Variants in LHX6 observed in about 807,000 individuals in gnomAD.
The protein encoded by LHX6 is LIM homeobox 6.
LHX6 carries 15 observed loss-of-function variants against 47.1 expected under a neutral mutation model. The observed-to-expected ratio is 0.32, with a 90% CI of 0.21 to 0.49. LHX6 has a LOEUF of 0.49. LHX6 is among the 20% of genes least tolerant of loss of function. The probability of loss-of-function intolerance (pLI) is 0.99; values close to 1 mark genes in which losing one functional copy is unlikely to be tolerated. For synonymous variants in LHX6, 242 were observed against 233.5 expected (o/e 1.04, Z -0.33); for missense variants, 404 against 539.6 (o/e 0.75, Z 2.49).
chr9:122,213,889 T>C lies in LHX6; in HGVS notation c.879+85A>G. 6.6e-7 allele frequency: 1 copy of C among 1,515,502 alleles called. No individual in the cohort carries two copies. The highest frequency in any genetic ancestry group is 8.9e-7 in the Non-Finnish European group (1 of 1,118,780). The allele number at this position is 1,515,502 out of a possible 1,614,324, so 93.9% of individuals were successfully genotyped here. Reference sequence around the variant, plus strand: ...CGCCTCCTGGAGAAGGATGGCCACGTGCACGCACCACCCTCCGCGCCGAGC... The same window carrying C: ...CGCCTCCTGGAGAAGGATGGCCACGCGCACGCACCACCCTCCGCGCCGAGC... On this transcript the variant is annotated intron_variant, in intron 7 of 9. Transcript: ENST00000394319. This position sits in a 1 kb window ranked among gnomAD's most constrained non-coding sequence, Gnocchi z 5.5.
chr9:122,228,295 C>A, intron 1 of LHX6: 2 of 1,535,020 alleles, frequency 1.3e-6, no homozygotes, highest in Non-Finnish European at 1.7e-6. Flanking sequence ...AGCCCCTCGG[C>A]GCGCCGGGTA....
chr9:122,209,517 C>T (rs1382429331), intron 9 of LHX6, 97 bp downstream of exon 9: 36 of 1,559,870 alleles, frequency 2.3e-5, no homozygotes, highest in Admixed American at 3.7e-5. Context: ...TCTGCCACAG[C>T]GCAGCATGGT....
rs1213249325 is a variant in LHX6 at position 122,213,841 on chromosome 9, G to C, written c.880-61C>G. On this transcript the variant is annotated intron_variant, in intron 7 of 9. Coordinates refer to ENST00000394319, the MANE Select transcript of LHX6 (RefSeq NM_014368.5). The surrounding 1 kb of genome is among the most constrained non-coding windows in gnomAD (Gnocchi z 5.5). ...AAAAGAGTCGGACGCGCCGCCGGGAGACCCCAGGCGGGACTGCCTCGTCGC... is the reference window on the plus strand; with the variant it reads ...AAAAGAGTCGGACGCGCCGCCGGGACACCCCAGGCGGGACTGCCTCGTCGC... The C allele has an allele frequency of 4.5e-6, 7 of 1,539,646 alleles. No homozygotes were observed. In the Admixed American group the frequency reaches 1.2e-4, roughly 26 times the overall value.
chr9:122,227,050 G>C lies in LHX6; in HGVS notation c.157-20C>G, dbSNP rs770754498. 1.5e-5 allele frequency: 22 copies of C among 1,465,932 alleles called. No homozygotes were observed. The highest frequency in any genetic ancestry group is 1.9e-5 in the Non-Finnish European group (21 of 1,109,238). The allele number at this position is 1,465,932 out of a possible 1,614,324, so 90.8% of individuals were successfully genotyped here. A position where few individuals can be genotyped will look rare whatever the true frequency, so the allele number is the denominator to read the frequency against. On this transcript the variant is annotated intron_variant, in intron 2 of 9. Coordinates refer to ENST00000394319, the MANE Select transcript of LHX6 (RefSeq NM_014368.5). ...CTGAGCCTGCGGCGGGGGAGAGAAG[G>C]AGAGGAGCGCTGATCCGGGCACCCA...
intron 4 of LHX6, among the ~76,000 whole-genome samples, chr9:122,222,988 TCCCTGGG>T (rs1830935177): frequency 6.6e-6 from 1 of 152,102 alleles, no homozygotes; most frequent in Admixed American, 6.5e-5. Context: ...ATGTGACCCC[TCCCTGGG>T]CCCCAGCTCC....
chr9:122,207,362 G>A (rs890621242), intron 9 of LHX6, among the ~76,000 whole-genome samples: 3 of 152,186 alleles, frequency 2.0e-5, no homozygotes, highest in South Asian at 2.1e-4. Context: ...ACTGAGCCGC[G>A]CAGACTTCAG....
At chr9:122,216,972 A>G in intron 5 of LHX6, 96 bp downstream of exon 5, 5 of 1,037,884 alleles carry the variant, frequency 4.8e-6, no homozygotes, top group Non-Finnish European at 7.2e-6. Flanking sequence ...GGAGGGCCCA[A>G]TCGGTAGAGG....
Position 122,228,651 on chromosome 9 carries a change from G to T in LHX6, c.84+6C>A. On this transcript the variant is annotated splice_donor_region_variant and intron_variant, in intron 1 of 9. Coordinates refer to ENST00000394319, the MANE Select transcript of LHX6 (RefSeq NM_014368.5). Reference sequence around the variant, plus strand: ...GGGCCGCTCACCCAGTCGTTCGCCGGCTCACCTGGTCGGTGGCGGGGCCGC... The same window carrying T: ...GGGCCGCTCACCCAGTCGTTCGCCGTCTCACCTGGTCGGTGGCGGGGCCGC... 1 of 1,307,388 alleles carries T rather than the reference G, an allele frequency of 7.6e-7. No homozygotes were observed. The highest frequency in any genetic ancestry group is 9.7e-7 in the Non-Finnish European group (1 of 1,031,026). The allele number at this position is 1,307,388 out of a possible 1,614,324, so 81.0% of individuals were successfully genotyped here.
chr9:122,224,069 C>T (rs909918379), intron 4 of LHX6, among the ~76,000 whole-genome samples: 6 of 152,028 alleles, frequency 3.9e-5, no homozygotes, highest in African/African-American at 1.5e-4. Flanking sequence ...TCTCTGTTAC[C>T]CAGGCTGGAG....
At chr9:122,219,058 C>A (rs547853954) in intron 4 of LHX6, among the ~76,000 whole-genome samples, 3 of 152,284 alleles carry the variant, frequency 2.0e-5, no homozygotes, top group South Asian at 4.1e-4. Context: ...CCCCTCCACC[C>A]GGGGGAGCAT....
At chr9:122,207,116 T>C (rs1187093852) in intron 9 of LHX6, among the ~76,000 whole-genome samples, 4 of 152,134 alleles carry the variant, frequency 2.6e-5, no homozygotes, top group African/African-American at 9.7e-5. Flanking sequence ...CCAGGTCTAA[T>C]AGGATGAATC....
Position 122,228,749 on chromosome 9 carries a change from G to C in LHX6, c.-9C>G. On this transcript the variant is annotated 5_prime_UTR_variant, in exon 1 of 10. Transcript: ENST00000394319. The stretch of plus-strand genomic sequence containing the variant: ...TCATGCTTCCAGTACATGGGCCGGG[G>C]AACCTCGGGCTCAGCGGGCGCGCAG... The C allele has an allele frequency of 7.9e-7, 1 of 1,259,874 alleles. No homozygotes were observed. Among genetic ancestry groups the C allele is most frequent in the Non-Finnish European group, 1.0e-6 (1 of 999,302 alleles). The allele number at this position is 1,259,874 out of a possible 1,614,324, so 78.0% of individuals were successfully genotyped here.
intron 9 of LHX6, among the ~76,000 whole-genome samples, chr9:122,207,992 C>A (rs1025708877): frequency 6.6e-6 from 1 of 152,164 alleles, no homozygotes; most frequent in Non-Finnish European, 1.5e-5. Context: ...CTGACCCTCT[C>A]CCTCCGAGGG....
chr9:122,209,645 A>C lies in LHX6; in HGVS notation c.1127T>G (p.Met376Arg). ...TAPPVHLKAD[M>R]DGPLSNRGEK... ...ACCCCGGTTGGAGAGCGGCCCATCC[A>C]TATCGGCTTTGAGGTGGACGGGGGG... The change falls in exon 9 of 10, where the codon ATG (methionine) becomes AGG (arginine). Residue 376 changes from methionine to arginine, a missense_variant. This residue lies in a region of LHX6 where 127 missense variants were observed against 116.1 expected (regional missense o/e 1.09). Transcript: ENST00000394319. 6.4e-7 allele frequency: 1 copy of C among 1,558,272 alleles called. No individual in the cohort carries two copies. Among genetic ancestry groups the C allele is most frequent in the East Asian group, 2.2e-5 (1 of 44,618 alleles).
Position 122,204,789 on chromosome 9 carries a change from G to A in LHX6, c.1159-9C>T, listed in dbSNP as rs1278409370. ...TACTGAAAAAGGATGACCTGCAAGA[G>A]GAGGGCATGGGAGGTGGCTGAGCTG... is the stretch of plus-strand genomic sequence containing the variant. On this transcript the variant is annotated splice_polypyrimidine_tract_variant and intron_variant, in intron 9 of 9. Coordinates refer to ENST00000394319, the MANE Select transcript of LHX6 (RefSeq NM_014368.5). The A allele has an allele frequency of 1.9e-6, 3 of 1,572,790 alleles. No individual in the cohort carries two copies. Among genetic ancestry groups the A allele is most frequent in the Non-Finnish European group, 2.6e-6 (3 of 1,157,994 alleles).
rs114627905 is a variant in LHX6 at position 122,225,843 on chromosome 9, G to A, written c.461+533C>T. Among the ~76,000 whole-genome samples, 1,085 of 152,330 alleles carry A rather than the reference G, an allele frequency of 7.1e-3. 16 individuals are homozygous for A. Among genetic ancestry groups the A allele is most frequent in the African/African-American group, 0.026 (1,062 of 41,578 alleles). On this transcript the variant is annotated intron_variant, in intron 4 of 9. Coordinates refer to ENST00000394319, the MANE Select transcript of LHX6 (RefSeq NM_014368.5). ...GATCTGAGACGGTTGCGGCGCTGGTGCTTTGGGCTGGACCAGACTCGAACC... is the reference window on the plus strand; with the variant it reads ...GATCTGAGACGGTTGCGGCGCTGGTACTTTGGGCTGGACCAGACTCGAACC...
chr9:122,224,023 G>T (rs999938435), intron 4 of LHX6, among the ~76,000 whole-genome samples: 1 of 151,890 alleles, frequency 6.6e-6, no homozygotes, highest in Non-Finnish European at 1.5e-5. Context: ...ATGTTTTTTT[G>T]TATGTTTGTT....
intron 8 of LHX6, among the ~76,000 whole-genome samples, chr9:122,210,552 A>G (rs959862846): frequency 5.9e-5 from 9 of 151,990 alleles, no homozygotes; most frequent in Non-Finnish European, 8.8e-5. Flanking sequence ...CTTAGCACTT[A>G]TCATCTGACT....
chr9:122,218,799 T>A (rs776409385), intron 4 of LHX6, among the ~76,000 whole-genome samples: 6 of 152,112 alleles, frequency 3.9e-5, no homozygotes, highest in Non-Finnish European at 8.8e-5. Flanking sequence ...TCAGCCACAA[T>A]GGAAGGTCAC....
Sources: allele counts gnomAD v4.1 joint callset (sites outside exome capture counted in the v4.1 genomes callset), GRCh38; gene constraint gnomAD v4.1.1; regional missense constraint gnomAD v4.1.1; non-coding constraint Gnocchi (gnomAD v3.1); transcripts MANE v1.5; gene names NCBI Gene and HGNC (gene_info 2026-07-23, HGNC 2026-07-21).